The following GRAMD1B variants were observed in gnomAD, a reference collection of about 807,000 sequenced individuals.
The protein encoded by GRAMD1B is GRAM domain containing 1B.
Under a neutral mutation model 99.7 loss-of-function variants are expected in GRAMD1B, and 37 were observed. The observed-to-expected ratio is 0.37, with a 90% CI of 0.29 to 0.49. The LOEUF (loss-of-function observed/expected upper bound fraction) is 0.49. Ranked by LOEUF, GRAMD1B falls within the 20% of genes least tolerant of loss-of-function variation. The pLI is 0.98. For synonymous variants in GRAMD1B, 427 were observed against 387.6 expected (o/e 1.10, Z -1.19); for missense variants, 888 against 1,009.2 (o/e 0.88, Z 1.63).
At chr11:123,406,613 A>G (rs1947866382) in intron 1 of GRAMD1B, among the ~76,000 whole-genome samples, 1 of 152,208 alleles carries the variant, frequency 6.6e-6, no homozygotes, top group South Asian at 2.1e-4. Context: ...GGGCTCTGCC[A>G]CTACATAGCT....
intron 1 of GRAMD1B, among the ~76,000 whole-genome samples, chr11:123,445,570 C>G (rs547491787): frequency 3.3e-5 from 5 of 152,054 alleles, no homozygotes; most frequent in Non-Finnish European, 7.4e-5. Flanking sequence ...AATCCCAGAA[C>G]TTTGGGAGGC....
In GRAMD1B at chr11:123,605,469, C is replaced by T. The variant is rs75493628; in HGVS notation, c.1314C>T (p.Ala438=). ...TAACATCCACAGGGAGCAGTGAGGC[C>T]CCCGTCTCGGTATGGGCAGTCAGCC... is the stretch of plus-strand genomic sequence containing the variant. ...STLTSTGSSE[A]PVSFDGLPLE... The change falls in exon 10 of 20, where the codon GCC becomes GCT. Residue 438 remains alanine (A), a synonymous_variant. Transcript: ENST00000635736. The T allele has an allele frequency of 3.6e-3, 5,828 of 1,609,956 alleles. 19 individuals carry two copies. Among genetic ancestry groups the T allele is most frequent in the Non-Finnish European group, 4.4e-3 (5,186 of 1,177,682 alleles).
chr11:123,388,964 A>G (rs1406526755), intron 1 of GRAMD1B, among the ~76,000 whole-genome samples: 1 of 152,220 alleles, frequency 6.6e-6, no homozygotes, highest in Admixed American at 6.5e-5. Context: ...GTCAACATCA[A>G]TGATGAGTCA....
chr11:123,598,396 C>T, intron 7 of GRAMD1B: 1 of 949,100 alleles, frequency 1.1e-6, no homozygotes, highest in Non-Finnish European at 1.7e-6. Context: ...CGCTCTTCTC[C>T]TGTCCTTGCT....
At chr11:123,535,690 T>A (rs1281423387) in intron 2 of GRAMD1B, among the ~76,000 whole-genome samples, 1 of 146,410 alleles carries the variant, frequency 6.8e-6, no homozygotes, top group South Asian at 2.1e-4. Flanking sequence ...GTGAAATATA[T>A]CATGCATACA....
In GRAMD1B at chr11:123,409,191, G is replaced by A. The variant is rs575845955; in HGVS notation, c.-176+50392G>A. On this transcript the variant is annotated intron_variant, in intron 1 of 20. Transcript: ENST00000638157. The stretch of plus-strand genomic sequence containing the variant: ...TGTGCCAGTGCTTTTGATAATTATG[G>A]TAATTTGGAAGGAGCACACCTGGCT... 4.6e-5 allele frequency among the ~76,000 whole-genome samples: 7 copies of A among 152,224 alleles called. No homozygotes were observed. The South Asian group carries it at 1.5e-3, about 32-fold the overall frequency.
chr11:123,426,863 T>C (rs1247831559), upstream of GRAMD1B, among the ~76,000 whole-genome samples: 1 of 152,154 alleles, frequency 6.6e-6, no homozygotes. Flanking sequence ...ATAATAATAG[T>C]AGTTTATGAG....
At chr11:123,419,729 G>GAA in intron 1 of GRAMD1B, among the ~76,000 whole-genome samples, 1 of 148,778 alleles carries the variant, frequency 6.7e-6, no homozygotes, top group African/African-American at 2.5e-5. Flanking sequence ...GTGTGTGTGT[G>GAA]TGTGTGTGTG....
chr11:123,618,647 G>A (rs1341524252), intron 17 of GRAMD1B, 46 bp from the exon 18 acceptor site: 1 of 1,069,786 alleles, frequency 9.3e-7, no homozygotes, highest in Admixed American at 1.9e-5. Context: ...CTAGGCTCAG[G>A]TGACATCTCA....
At chr11:123,521,008 G>A (rs1942156575) in intron 2 of GRAMD1B, among the ~76,000 whole-genome samples, 1 of 152,090 alleles carries the variant, frequency 6.6e-6, no homozygotes, top group Admixed American at 6.6e-5. Context: ...TGTTTTCAGA[G>A]TTTTTGTTTT....
chr11:123,363,850 A>T (rs990642024), intron 1 of GRAMD1B, among the ~76,000 whole-genome samples: 1 of 152,140 alleles, frequency 6.6e-6, no homozygotes, highest in Non-Finnish European at 1.5e-5. Flanking sequence ...ATGATATTTT[A>T]TTGGCTTAGA....
At chr11:123,527,305 C>T (rs1379033668) in intron 2 of GRAMD1B, among the ~76,000 whole-genome samples, 1 of 152,182 alleles carries the variant, frequency 6.6e-6, no homozygotes, top group African/African-American at 2.4e-5. Context: ...CTTCCAGGCA[C>T]CCCTACCCTA....
intron 7 of GRAMD1B, among the ~76,000 whole-genome samples, chr11:123,597,403 C>T (rs889465942): frequency 6.6e-6 from 1 of 151,654 alleles, no homozygotes; most frequent in African/African-American, 2.4e-5. Context: ...CAACTCCTTT[C>T]TTTATGGAAC....
intron 2 of GRAMD1B, among the ~76,000 whole-genome samples, chr11:123,555,879 G>A (rs182230158): frequency 8.9e-4 from 135 of 151,814 alleles, no homozygotes; most frequent in Middle Eastern, 3.4e-3. Context: ...GATTATAGGC[G>A]CCCACCACCA....
upstream of GRAMD1B, among the ~76,000 whole-genome samples, chr11:123,427,439 G>A (rs117086124): frequency 3.9e-3 from 593 of 152,302 alleles, 2 homozygotes; most frequent in Admixed American, 6.4e-3. Context: ...AAGTGTAAAG[G>A]TCACCATACA....
chr11:123,479,116 G>A (rs1438116248), intron 1 of GRAMD1B, among the ~76,000 whole-genome samples: 1 of 152,206 alleles, frequency 6.6e-6, no homozygotes, highest in Non-Finnish European at 1.5e-5. Context: ...AAAACGTGCT[G>A]CATGGAAGGG....
intron 2 of GRAMD1B, among the ~76,000 whole-genome samples, chr11:123,530,853 A>G (rs1943288537): frequency 6.6e-6 from 1 of 152,126 alleles, no homozygotes; most frequent in South Asian, 2.1e-4. Context: ...TGACTCCTGA[A>G]CCAGAACCCT....
In GRAMD1B at chr11:123,430,581, C is replaced by T. The variant is rs926533790; in HGVS notation, c.-212C>T. 7.3e-5 allele frequency: 33 copies of T among 455,096 alleles called. No homozygotes were observed. The highest frequency in any genetic ancestry group is 1.2e-4 in the Non-Finnish European group (30 of 259,380). 28.2% of individuals were successfully genotyped at this position (455,096 alleles called of 1,614,324 possible). Reference sequence around the variant, plus strand: ...CGCCGGCGGCTGACGGCCCGGAGGACGCGCGCTCCGAAAAGTTAGACTCCG... The same window carrying T: ...CGCCGGCGGCTGACGGCCCGGAGGATGCGCGCTCCGAAAAGTTAGACTCCG... On this transcript the variant is annotated 5_prime_UTR_variant, in exon 1 of 20. It adds an upstream start codon to the 5' untranslated region. Transcript: ENST00000635736.
intron 2 of GRAMD1B, among the ~76,000 whole-genome samples, chr11:123,521,570 T>C (rs1942198606): frequency 2.6e-5 from 4 of 152,206 alleles, no homozygotes; most frequent in Admixed American, 2.6e-4. Context: ...TTTATGGGCA[T>C]TGTTTTTGGG....
Sources: gnomAD v4.1 joint callset for allele counts (sites outside exome capture counted in the v4.1 genomes callset) on GRCh38, gnomAD v4.1.1 for gene constraint, MANE v1.5 for transcripts, NCBI Gene and HGNC (gene_info 2026-07-23, HGNC 2026-07-21) for gene names.